Variants in GRIK3 observed in about 807,000 individuals in gnomAD.
GRIK3 encodes glutamate receptor ionotropic, kainate 3.
In GRIK3, 29 loss-of-function variants were observed where a neutral mutation model predicts 102.5. The observed-to-expected ratio is 0.28, with a 90% confidence interval of 0.21 to 0.39. GRIK3 has a LOEUF of 0.39. GRIK3 is among the 10% of genes least tolerant of loss of function. The pLI is 1.00. For synonymous variants in GRIK3, 511 were observed against 504.9 expected (o/e 1.01, Z -0.16); for missense variants, 908 against 1,252.4 (o/e 0.73, Z 4.15).
At position 36,819,754 on chromosome 1, in the gene GRIK3, C is replaced by T. The variant is rs1159213750; in HGVS notation, c.1855G>A (p.Gly619Arg). 1 of 1,578,712 alleles carries T rather than the reference C, an allele frequency of 6.3e-7. No individual in the cohort carries two copies. Among genetic ancestry groups the T allele is most frequent in the East Asian group, 2.2e-5 (1 of 44,698 alleles). ...TGCATACCTTGCTGCATCAGGGATC[C>T]CATTCCAAACCAGAAGCTGTTAAGC... ...TLLNSFWFGM[G>R]SLMQQGSELM... The change falls in exon 12 of 16, where the codon GGA (glycine) becomes AGA (arginine). Residue 619 changes from glycine to arginine, a missense_variant. By Grantham distance (125) the Gly-to-Arg change is moderately radical. Transcript: ENST00000373091. The surrounding 1 kb of genome is among the most constrained non-coding windows in gnomAD (Gnocchi z 4.1).
intron 1 of GRIK3, among the ~76,000 whole-genome samples, chr1:36,957,416 G>T (rs1266501521): frequency 8.4e-5 from 11 of 131,522 alleles, no homozygotes; most frequent in Admixed American, 8.2e-4. Context: ...GTGAGCCTGT[G>T]TGCCCCATGA....
intron 14 of GRIK3, among the ~76,000 whole-genome samples, chr1:36,805,770 C>T (rs71638994): frequency 6.6e-6 from 1 of 151,772 alleles, no homozygotes; most frequent in Non-Finnish European, 1.5e-5. Flanking sequence ...AACCCCGTCT[C>T]TACTAAAAAT....
At chr1:36,841,122 T>A (rs1309138068) in intron 10 of GRIK3, among the ~76,000 whole-genome samples, 1 of 152,046 alleles carries the variant, frequency 6.6e-6, no homozygotes, top group Non-Finnish European at 1.5e-5. Flanking sequence ...CCTCCCAATG[T>A]CTCAAGAAGC....
At chr1:36,805,353 G>C in intron 14 of GRIK3, 116 bp from the exon 15 acceptor site, 1 of 1,055,030 alleles carries the variant, frequency 9.5e-7, no homozygotes, top group East Asian at 2.5e-5. Flanking sequence ...GCTCATGAAA[G>C]GGGGTCCCTA....
At chr1:36,820,951 G>C (rs892296231) in intron 11 of GRIK3, among the ~76,000 whole-genome samples, 1 of 152,138 alleles carries the variant, frequency 6.6e-6, no homozygotes, top group East Asian at 1.9e-4. Context: ...CGAGAGGTTG[G>C]GGGGACCCTA....
chr1:37,033,702 T>G (rs1243099635), intron 1 of GRIK3, among the ~76,000 whole-genome samples: 1 of 152,156 alleles, frequency 6.6e-6, no homozygotes, highest in Non-Finnish European at 1.5e-5. Context: ...AAATGCGCCC[T>G]CGACTCGGGA....
rs767251542 is a variant in GRIK3 at position 36,841,897 on chromosome 1, A to T, written c.1369T>A (p.Tyr457Asn). Residue 457 changes from tyrosine to asparagine, a missense_variant, in exon 10 of 16, where the codon TAC (tyrosine) becomes AAC (asparagine). Tyr to Asn is a moderately radical substitution (Grantham distance 143). Coordinates refer to ENST00000373091, the MANE Select transcript of GRIK3 (RefSeq NM_000831.4). ...TAGCCCTCGAACCGGTCATTCCCGT[A>T]TAGCGTCCTGTCTGATTTCCGAAAC... The part of the protein sequence containing the change: ...VMFRKSDRTL[Y>N]GNDRFEGYCI... 2 of 1,614,210 alleles carry T rather than the reference A, an allele frequency of 1.2e-6. No homozygotes were observed. The highest frequency in any genetic ancestry group is 1.7e-6 in the Non-Finnish European group (2 of 1,180,040).
At chr1:36,902,097 A>G (rs1641237999) in intron 1 of GRIK3, among the ~76,000 whole-genome samples, 1 of 152,236 alleles carries the variant, frequency 6.6e-6, no homozygotes, top group South Asian at 2.1e-4. Context: ...AAATAAATGG[A>G]GAGACCTTCA....
At chr1:37,032,467 G>A (rs1302199734) in intron 1 of GRIK3, among the ~76,000 whole-genome samples, 3 of 151,356 alleles carry the variant, frequency 2.0e-5, no homozygotes, top group Non-Finnish European at 1.5e-5. Context: ...AGGGAATAAA[G>A]GAAGTGCTGG....
intron 1 of GRIK3, among the ~76,000 whole-genome samples, chr1:36,956,679 C>T (rs538865341): frequency 6.6e-6 from 1 of 152,294 alleles, no homozygotes; most frequent in East Asian, 1.9e-4. Context: ...ACAAAAGCCC[C>T]CGAGGTGCAC....
At chr1:36,802,130 T>C (rs1642449266) in intron 15 of GRIK3, 85 bp from the exon 16 acceptor site, 1 of 957,492 alleles carries the variant, frequency 1.0e-6, no homozygotes. Context: ...CTCCCCTTTC[T>C]CCCAGAGTCT....
chr1:36,887,609 A>C (rs975933415), intron 2 of GRIK3, among the ~76,000 whole-genome samples: 7 of 151,840 alleles, frequency 4.6e-5, no homozygotes, highest in African/African-American at 2.4e-5. Flanking sequence ...ACAAAGAATC[A>C]TTTGGGTGTG....
intron 5 of GRIK3, among the ~76,000 whole-genome samples, chr1:36,867,280 G>T (rs907279782): frequency 6.6e-6 from 1 of 152,056 alleles, no homozygotes; most frequent in Non-Finnish European, 1.5e-5. Flanking sequence ...CACTTTCCCA[G>T]ATCCAATTGT....
chr1:36,937,966 C>T (rs1160751), intron 1 of GRIK3, among the ~76,000 whole-genome samples: 91,205 of 152,094 alleles, frequency 0.6, 29,196 homozygotes, highest in East Asian at 0.84. Context: ...TTTATACATT[C>T]TTTTGGTTAA....
intron 1 of GRIK3, among the ~76,000 whole-genome samples, chr1:36,928,857 C>G (rs187515075): frequency 5.9e-4 from 90 of 152,298 alleles, no homozygotes; most frequent in African/African-American, 2.1e-3. Context: ...GGAAGGAGAA[C>G]TAGGGGCATC....
intron 1 of GRIK3, among the ~76,000 whole-genome samples, chr1:36,942,809 T>C (rs1641742201): frequency 6.6e-6 from 1 of 152,056 alleles, no homozygotes; most frequent in Admixed American, 6.5e-5. Context: ...TCCTGGGCAC[T>C]AACCATCCCA....
intron 1 of GRIK3, among the ~76,000 whole-genome samples, chr1:36,922,089 C>T (rs1283447702): frequency 6.6e-6 from 1 of 152,200 alleles, no homozygotes; most frequent in Non-Finnish European, 1.5e-5. Context: ...GCAGAGTGCA[C>T]ACTGGGATCC....
chr1:37,014,839 TTCTTA>T (rs200166893), intron 1 of GRIK3, among the ~76,000 whole-genome samples: 5,206 of 125,926 alleles, frequency 0.041, 279 homozygotes, highest in African/African-American at 0.13. Flanking sequence ...TTAGCCTCTT[TTCTTA>T]TCTTTTCTTT....
chr1:36,814,486 T>C (rs1462302101), intron 13 of GRIK3, among the ~76,000 whole-genome samples: 2 of 145,384 alleles, frequency 1.4e-5, no homozygotes, highest in African/African-American at 2.6e-5. Context: ...TATGCATGCA[T>C]GGACCATTAT....
Sources: allele counts gnomAD v4.1 joint callset (sites outside exome capture counted in the v4.1 genomes callset), GRCh38; gene constraint gnomAD v4.1.1; non-coding constraint Gnocchi (gnomAD v3.1); transcripts MANE v1.5; gene names NCBI Gene and HGNC (gene_info 2026-07-23, HGNC 2026-07-21).